The following NME7 variants were observed in gnomAD, a reference collection of about 807,000 sequenced individuals.
NME7 encodes the protein NME/NM23 family member 7, also known as nucleoside diphosphate kinase 7.
NME7 carries 41 observed loss-of-function variants against 49.1 expected under a neutral mutation model. That is an observed-to-expected ratio of 0.83 (90% CI 0.65 to 1.08). The LOEUF (loss-of-function observed/expected upper bound fraction) is 1.08, where lower values mean the gene tolerates loss of function less well. NME7 is among the 50% of genes least tolerant of loss of function. The pLI is 0.00. For missense variants in NME7, 423 were observed against 463.4 expected, an observed-to-expected ratio of 0.91 and a Z score of 0.80; for synonymous variants, 139 against 150.6, an observed-to-expected ratio of 0.92 and a Z score of 0.56.
At chr1:169,199,230 C>T (rs1660475187) in intron 10 of NME7, among the ~76,000 whole-genome samples, 1 of 151,806 alleles carries the variant, frequency 6.6e-6, no homozygotes, top group South Asian at 2.1e-4. Flanking sequence ...ATAATGTTAG[C>T]TAACACTTAT....
chr1:169,282,928 T>A (rs1314097877), intron 7 of NME7, among the ~76,000 whole-genome samples: 1 of 152,160 alleles, frequency 6.6e-6, no homozygotes, highest in Non-Finnish European at 1.5e-5. Flanking sequence ...TTCTGTTGAT[T>A]TGAGGTGGAG....
intron 10 of NME7, among the ~76,000 whole-genome samples, chr1:169,230,124 T>C (rs2101818242): frequency 6.6e-6 from 1 of 152,298 alleles, no homozygotes; most frequent in South Asian, 2.1e-4. Flanking sequence ...CATAATCCTA[T>C]CAAGTTTCTA....
chr1:169,226,920 TAGAGTA>T (rs772078398), intron 10 of NME7, among the ~76,000 whole-genome samples: 1 of 152,060 alleles, frequency 6.6e-6, no homozygotes, highest in Admixed American at 6.6e-5. Context: ...AAAAACACAG[TAGAGTA>T]ATGCCATCCA....
At chr1:169,309,060 A>G (rs927648288) in intron 4 of NME7, among the ~76,000 whole-genome samples, 2 of 152,234 alleles carry the variant, frequency 1.3e-5, no homozygotes, top group African/African-American at 4.8e-5. Context: ...AGAAATGATT[A>G]TAATTATCAA....
chr1:169,156,800 G>T (rs1480508866), intron 11 of NME7, among the ~76,000 whole-genome samples: 1 of 152,176 alleles, frequency 6.6e-6, no homozygotes, highest in Non-Finnish European at 1.5e-5. Flanking sequence ...CCTTATCCAA[G>T]ATTCTTTTAT....
In NME7 at chr1:169,292,015, C is replaced by T. The variant is rs186437955; in HGVS notation, c.649-4607G>A. On this transcript the variant is annotated intron_variant, in intron 6 of 11. Transcript: ENST00000367811. Reference sequence around the variant, plus strand: ...GGTATGCTTGTAGATGAATAGAACACAACAAATCGCTGAAATTGACCCAGA... The same window carrying T: ...GGTATGCTTGTAGATGAATAGAACATAACAAATCGCTGAAATTGACCCAGA... 4.3e-4 allele frequency among the ~76,000 whole-genome samples: 66 copies of T among 152,106 alleles called. No individual in the cohort carries two copies. The East Asian group carries it at 8.1e-3, about 19-fold the overall frequency.
chr1:169,302,471 G>GATC (rs1462949777), intron 5 of NME7: 1 of 152,104 alleles, frequency 6.6e-6, no homozygotes, highest in Non-Finnish European at 1.5e-5. Flanking sequence ...GAATGGAGAT[G>GATC]GAGGCCATTA....
chr1:169,145,013 C>G (rs78111642), intron 11 of NME7, among the ~76,000 whole-genome samples: 2 of 152,230 alleles, frequency 1.3e-5, no homozygotes, highest in East Asian at 1.9e-4. Context: ...TGGAAAGATT[C>G]AAAGCTATGC....
intron 10 of NME7, among the ~76,000 whole-genome samples, chr1:169,213,927 T>C (rs1312972613): frequency 6.6e-6 from 1 of 152,128 alleles, no homozygotes; most frequent in Non-Finnish European, 1.5e-5. Flanking sequence ...TACCCAGTGC[T>C]ATACATTCAT....
At chr1:169,137,927 T>TA (rs1658478236) in intron 11 of NME7, among the ~76,000 whole-genome samples, 1 of 152,162 alleles carries the variant, frequency 6.6e-6, no homozygotes, top group Admixed American at 6.5e-5. Context: ...ATGGTCTAAT[T>TA]AAAAAATTAA....
chr1:169,137,549 G>A (rs920531891), intron 11 of NME7, among the ~76,000 whole-genome samples: 10 of 152,220 alleles, frequency 6.6e-5, no homozygotes, highest in Admixed American at 3.3e-4. Flanking sequence ...CTGTGATGGC[G>A]CTCTGCAGCC....
chr1:169,230,452 C>A (rs1056267450), intron 10 of NME7, among the ~76,000 whole-genome samples: 1 of 151,676 alleles, frequency 6.6e-6, no homozygotes, highest in African/African-American at 2.4e-5. Flanking sequence ...TTTACCTGGA[C>A]AATTTAGCAA....
intron 3 of NME7, among the ~76,000 whole-genome samples, chr1:169,317,625 A>G (rs78212575): frequency 0.014 from 2,200 of 152,316 alleles, 48 homozygotes; most frequent in African/African-American, 0.048. Flanking sequence ...TCCTAGGACA[A>G]TATACAAAGC....
chr1:169,277,328 C>T (rs1489397134), intron 7 of NME7, among the ~76,000 whole-genome samples: 1 of 142,224 alleles, frequency 7.0e-6, no homozygotes, highest in Non-Finnish European at 1.5e-5. Context: ...GTCTAAGTCT[C>T]TTTGTAGGTC....
chr1:169,153,580 T>A (rs932276126), intron 11 of NME7, among the ~76,000 whole-genome samples: 8 of 152,232 alleles, frequency 5.3e-5, no homozygotes, highest in Non-Finnish European at 1.2e-4. Context: ...TGAACTCTCA[T>A]ACTTACTGTT....
intron 1 of NME7, among the ~76,000 whole-genome samples, chr1:169,362,106 G>GT (rs1171359842): frequency 1.3e-5 from 2 of 152,026 alleles, no homozygotes; most frequent in Non-Finnish European, 2.9e-5. Context: ...TACTCACAAG[G>GT]TGGAGGCAGG....
intron 1 of NME7, among the ~76,000 whole-genome samples, chr1:169,343,554 T>C (rs1652853416): frequency 6.6e-6 from 1 of 151,724 alleles, no homozygotes; most frequent in South Asian, 2.1e-4. Context: ...TGCAATGGCA[T>C]GATCTTGGTT....
chr1:169,181,518 ACTTC>A (rs1659932865), intron 10 of NME7, among the ~76,000 whole-genome samples: 1 of 151,718 alleles, frequency 6.6e-6, no homozygotes, highest in Non-Finnish European at 1.5e-5. Flanking sequence ...AGGTCAGGAA[ACTTC>A]CTTCATTATA....
chr1:169,324,805 T>C (rs2101939444), intron 1 of NME7, among the ~76,000 whole-genome samples: 1 of 152,340 alleles, frequency 6.6e-6, no homozygotes, highest in East Asian at 1.9e-4. Flanking sequence ...CTGATTTTAC[T>C]ATTGTAACAA....
Sources: gnomAD v4.1 joint callset for allele counts (sites outside exome capture counted in the v4.1 genomes callset) on GRCh38, gnomAD v4.1.1 for gene constraint, MANE v1.5 for transcripts, NCBI Gene and HGNC (gene_info 2026-07-23, HGNC 2026-07-21) for gene names.